Variants in DIS3L2 observed in about 807,000 individuals in gnomAD.
DIS3L2 encodes DIS3 like 3'-5' exoribonuclease 2.
A neutral mutation model predicts 97.5 loss-of-function variants in DIS3L2; 34 were observed. That is an observed-to-expected ratio of 0.35 (90% confidence interval 0.27 to 0.46). The LOEUF (loss-of-function observed/expected upper bound fraction) is 0.46. Ranked by LOEUF, DIS3L2 falls within the 20% of genes least tolerant of loss-of-function variation. The pLI, the probability that DIS3L2 is intolerant of heterozygous loss-of-function variation, is 1.00. For missense variants in DIS3L2, 1,038 were observed against 1,146.0 expected (o/e 0.91, Z 1.36); for synonymous variants, 435 against 445.2 (o/e 0.98, Z 0.29).
intron 6 of DIS3L2, among the ~76,000 whole-genome samples, chr2:232,108,700 TAAGC>T (rs1475490153): frequency 1.3e-5 from 2 of 152,224 alleles, no homozygotes; most frequent in Non-Finnish European, 2.9e-5. Context: ...ATAAGCAACT[TAAGC>T]AAAGTCTCAG....
At position 232,281,312 on chromosome 2, in the gene DIS3L2, G is replaced by C. The variant is rs971808762; in HGVS notation, c.1659+17872G>C. On this transcript the variant is annotated intron_variant, in intron 13 of 20. Transcript: ENST00000325385. The surrounding 1 kb of genome is among the most constrained non-coding windows in gnomAD (Gnocchi z 4.1). ...TATTTGGGAGGCTGAGGCAGGAGAA[G>C]GGCGTGAACCCGGGAGGCGGAGCTT... Among the ~76,000 whole-genome samples the C allele has an allele frequency of 6.6e-6, 1 of 152,144 alleles. No homozygotes were observed. The highest frequency in any genetic ancestry group is 2.4e-5 in the African/African-American group (1 of 41,424).
At chr2:232,214,635 C>A (rs574243660) in intron 10 of DIS3L2, among the ~76,000 whole-genome samples, 1 of 152,188 alleles carries the variant, frequency 6.6e-6, no homozygotes, top group African/African-American at 2.4e-5. Flanking sequence ...TACATGGCTA[C>A]CTGTATCCAG....
chr2:231,985,874 T>G (rs1321750421), intron 1 of DIS3L2, among the ~76,000 whole-genome samples: 1 of 152,192 alleles, frequency 6.6e-6, no homozygotes, highest in Non-Finnish European at 1.5e-5. Context: ...GTGAGAGTGT[T>G]GCCAGAGGTG....
At chr2:232,317,720 A>T (rs1695315824) in intron 14 of DIS3L2, among the ~76,000 whole-genome samples, 1 of 152,134 alleles carries the variant, frequency 6.6e-6, no homozygotes, top group Non-Finnish European at 1.5e-5. Context: ...TACAGGTGTG[A>T]GCCACCACTC....
At chr2:232,035,481 G>A (rs1303328913) in intron 5 of DIS3L2, among the ~76,000 whole-genome samples, 1 of 152,114 alleles carries the variant, frequency 6.6e-6, no homozygotes, top group Non-Finnish European at 1.5e-5. Context: ...TTTAATTGGG[G>A]GATTTAGCCC....
At chr2:231,985,973 C>T (rs1693401160) in intron 1 of DIS3L2, among the ~76,000 whole-genome samples, 1 of 152,206 alleles carries the variant, frequency 6.6e-6, no homozygotes. Context: ...GCGTCTAGAA[C>T]AAGTCGGGTA....
chr2:232,030,198 A>G lies in DIS3L2; in HGVS notation c.366+118A>G, dbSNP rs538587824. On this transcript the variant is annotated intron_variant, in intron 5 of 20. Coordinates refer to ENST00000325385, the MANE Select transcript of DIS3L2 (RefSeq NM_152383.5). Reference sequence around the variant, plus strand: ...CAGACCCCTTAGGCGCTGTGATAAGATGGGGTGTAATCTTGGAAGCATGCT... The same window carrying G: ...CAGACCCCTTAGGCGCTGTGATAAGGTGGGGTGTAATCTTGGAAGCATGCT... The G allele has an allele frequency of 3.7e-3, 2,926 of 786,016 alleles. 8 individuals are homozygous for G. The highest frequency in any genetic ancestry group is 5.3e-3 in the Non-Finnish European group (2,562 of 485,054). The allele number at this position is 786,016 out of a possible 1,614,324, so 48.7% of individuals were successfully genotyped here.
chr2:232,069,938 A>T (rs1695962700), intron 5 of DIS3L2, among the ~76,000 whole-genome samples: 1 of 152,260 alleles, frequency 6.6e-6, no homozygotes, highest in African/African-American at 2.4e-5. Flanking sequence ...TACTTTAAAA[A>T]TGACAGCCAG....
At chr2:232,064,036 TAA>T (rs1257692629) in intron 5 of DIS3L2, among the ~76,000 whole-genome samples, 1 of 151,762 alleles carries the variant, frequency 6.6e-6, no homozygotes, top group Non-Finnish European at 1.5e-5. Context: ...GGCTTTGGTA[TAA>T]AAAAAAATTT....
At chr2:232,241,128 AT>A (rs2106255575) in intron 11 of DIS3L2, among the ~76,000 whole-genome samples, 1 of 152,306 alleles carries the variant, frequency 6.6e-6, no homozygotes, top group African/African-American at 2.4e-5. Flanking sequence ...GTGCGCTCTG[AT>A]TCCTTTGAAC....
At chr2:232,125,902 G>A (rs543834423) in intron 6 of DIS3L2, among the ~76,000 whole-genome samples, 3 of 152,122 alleles carry the variant, frequency 2.0e-5, no homozygotes, top group Non-Finnish European at 4.4e-5. Flanking sequence ...CATAAGATAA[G>A]TTTTCCTAGT....
intron 6 of DIS3L2, among the ~76,000 whole-genome samples, chr2:232,124,724 T>C (rs1439173871): frequency 1.3e-5 from 2 of 152,092 alleles, no homozygotes; most frequent in African/African-American, 4.8e-5. Flanking sequence ...TTAAGCAGAT[T>C]AGTGACTGCA....
chr2:232,233,002 G>A (rs993384968), intron 10 of DIS3L2, among the ~76,000 whole-genome samples: 1 of 152,184 alleles, frequency 6.6e-6, no homozygotes, highest in South Asian at 2.1e-4. Context: ...GTCTCAAGGT[G>A]TTGGGGTGGG....
At chr2:232,239,460 T>A (rs1288107770) in intron 11 of DIS3L2, among the ~76,000 whole-genome samples, 1 of 152,232 alleles carries the variant, frequency 6.6e-6, no homozygotes. Context: ...GGTTTCTTTC[T>A]CTTCTTTCCC....
chr2:232,273,058 T>C (rs551863938), intron 13 of DIS3L2, among the ~76,000 whole-genome samples: 2 of 152,206 alleles, frequency 1.3e-5, no homozygotes, highest in Admixed American at 1.3e-4. Flanking sequence ...CTTCTCCACC[T>C]TCACCCTGTG....
intron 3 of DIS3L2, among the ~76,000 whole-genome samples, chr2:232,023,817 G>C (rs1381485561): frequency 6.6e-6 from 1 of 152,104 alleles, no homozygotes; most frequent in African/African-American, 2.4e-5. Flanking sequence ...TCAGTATCTA[G>C]CTTGGAAATC....
At chr2:232,339,754 A>G (rs767134513), downstream of DIS3L2, 2 of 455,550 alleles carry the variant, frequency 4.4e-6, no homozygotes, top group South Asian at 3.1e-5. Context: ...CCTGCCCAGC[A>G]GTGCCTTTTG....
intron 8 of DIS3L2, among the ~76,000 whole-genome samples, chr2:232,160,618 G>A (rs970738475): frequency 6.6e-6 from 1 of 152,148 alleles, no homozygotes; most frequent in African/African-American, 2.4e-5. Context: ...GCTCAAAGCT[G>A]TAATCCCAGC....
intron 6 of DIS3L2, among the ~76,000 whole-genome samples, chr2:232,126,107 T>C (rs1292819332): frequency 6.6e-6 from 1 of 152,224 alleles, no homozygotes; most frequent in Non-Finnish European, 1.5e-5. Flanking sequence ...ACCTAGATTC[T>C]AACCTCAGCT....
Sources: gnomAD v4.1 joint callset for allele counts (sites outside exome capture counted in the v4.1 genomes callset) on GRCh38, gnomAD v4.1.1 for gene constraint, Gnocchi (gnomAD v3.1) non-coding constraint, MANE v1.5 for transcripts, NCBI Gene and HGNC (gene_info 2026-07-23, HGNC 2026-07-21) for gene names.